The following PLCB4 variants were observed in gnomAD, a reference collection of about 807,000 sequenced individuals.
The protein encoded by PLCB4 is phospholipase C beta 4, also known as 1-phosphatidylinositol 4,5-bisphosphate phosphodiesterase beta-4.
PLCB4 carries 77 observed loss-of-function variants against 178.8 expected under a neutral mutation model. That is an observed-to-expected ratio of 0.43 (90% confidence interval 0.36 to 0.52). The LOEUF (loss-of-function observed/expected upper bound fraction) is 0.52. Among genes scored for constraint, PLCB4 ranks in the 20% least tolerant of loss-of-function variants. The pLI is 0.00. For missense variants in PLCB4, 1,024 were observed against 1,453.4 expected (o/e 0.70, Z 4.80); for synonymous variants, 496 against 490.8 (o/e 1.01, Z -0.14).
intron 19 of PLCB4, among the ~76,000 whole-genome samples, 178 bp from the exon 20 acceptor site, chr20:9,401,312 A>G (rs1044713045): frequency 6.6e-6 from 1 of 152,212 alleles, no homozygotes; most frequent in Admixed American, 6.5e-5. Flanking sequence ...TTGACGTTGA[A>G]TAGGTAAGAG....
chr20:9,137,072 A>G (rs1198764859), intron 2 of PLCB4, among the ~76,000 whole-genome samples: 3 of 152,120 alleles, frequency 2.0e-5, no homozygotes, highest in African/African-American at 7.2e-5. Flanking sequence ...ACAGTCGACC[A>G]GGAAGATCTC....
intron 2 of PLCB4, among the ~76,000 whole-genome samples, chr20:9,106,695 C>T (rs894115454): frequency 6.6e-6 from 1 of 152,082 alleles, no homozygotes; most frequent in African/African-American, 2.4e-5. Context: ...CTATGGACCA[C>T]TCTTAGAATA....
intron 7 of PLCB4, among the ~76,000 whole-genome samples, chr20:9,352,445 G>A (rs1602043332): frequency 6.6e-6 from 1 of 152,184 alleles, no homozygotes; most frequent in South Asian, 2.1e-4. Flanking sequence ...ATCAGGCTTA[G>A]GCAATGCAAA....
rs6056463 is a variant in PLCB4, at chr20:9,190,571, C to A, written c.-78-26819C>A. Among the ~76,000 whole-genome samples, 8 of 152,156 alleles carry A rather than the reference C, an allele frequency of 5.3e-5. No homozygotes were observed. The South Asian group carries it at 1.0e-3, about 20-fold the overall frequency. On this transcript the variant is annotated intron_variant, in intron 2 of 39. Coordinates refer to ENST00000378473, the MANE Select transcript of PLCB4 (RefSeq NM_001377142.1). Reference sequence around the variant, plus strand: ...GCAGTGTGAGAACAGACTAATAGAGCTGGGGTTGGTCAGGAGTGAATCAGA... The same window carrying A: ...GCAGTGTGAGAACAGACTAATAGAGATGGGGTTGGTCAGGAGTGAATCAGA...
At position 9,384,202 on chromosome 20, in the gene PLCB4, C is replaced by G; in HGVS notation, c.855C>G (p.Gly285=). 1 of 1,610,058 alleles carries G rather than the reference C, an allele frequency of 6.2e-7. No homozygotes were observed. The highest frequency in any genetic ancestry group is 8.5e-7 in the Non-Finnish European group (1 of 1,176,284). The change falls in exon 14 of 40, where the codon GGC becomes GGG. Residue 285 remains glycine (G), a splice_region_variant and synonymous_variant. Coordinates refer to ENST00000378473, the MANE Select transcript of PLCB4 (RefSeq NM_001377142.1). ...ACTAAGATGTTCTTTTTCCCCTAGG[C>G]CTTATATCAAGTGATGGGTTTTGCA... is the stretch of plus-strand genomic sequence containing the variant. ...YEPDEDLKKK[G]LISSDGFCRY...
chr20:9,219,974 T>C lies in PLCB4; in HGVS notation c.-16+2522T>C, dbSNP rs539207104. 2.7e-4 allele frequency among the ~76,000 whole-genome samples: 41 copies of C among 152,360 alleles called. 1 individual carries two copies. Among genetic ancestry groups the C allele is most frequent in the Middle Eastern group, 6.8e-3 (2 of 294 alleles). On this transcript the variant is annotated intron_variant, in intron 3 of 39. Transcript: ENST00000378473. Reference sequence around the variant, plus strand: ...CTTATTTCTATAAAGGCAAAAGGTATATTTTGAATCTTGCTTATATGTCAC... The same window carrying C: ...CTTATTTCTATAAAGGCAAAAGGTACATTTTGAATCTTGCTTATATGTCAC...
At chr20:9,209,361 G>A (rs2093648026) in intron 2 of PLCB4, among the ~76,000 whole-genome samples, 2 of 151,988 alleles carry the variant, frequency 1.3e-5, no homozygotes, top group South Asian at 4.2e-4. Context: ...TTAACAGGCA[G>A]AATTCTAAGG....
At chr20:9,396,724 A>T (rs1334300578) in intron 19 of PLCB4, among the ~76,000 whole-genome samples, 3 of 152,344 alleles carry the variant, frequency 2.0e-5, no homozygotes, top group East Asian at 3.9e-4. Context: ...ATTGCAAAAA[A>T]ATTATTCACA....
intron 2 of PLCB4, among the ~76,000 whole-genome samples, chr20:9,198,647 T>C (rs1445664881): frequency 1.3e-5 from 2 of 152,206 alleles, no homozygotes; most frequent in Admixed American, 6.5e-5. Context: ...TGCTATTAAA[T>C]AGAGTTATGG....
intron 14 of PLCB4, among the ~76,000 whole-genome samples, 187 bp downstream of exon 14, chr20:9,384,598 T>C (rs1202479933): frequency 6.6e-6 from 1 of 152,208 alleles, no homozygotes; most frequent in Admixed American, 6.5e-5. Context: ...AAATCTTCAG[T>C]CATCCAAAAG....
intron 28 of PLCB4, among the ~76,000 whole-genome samples, chr20:9,425,998 G>A (rs2040976563): frequency 6.6e-6 from 1 of 152,052 alleles, no homozygotes; most frequent in East Asian, 1.9e-4. Flanking sequence ...TGCTGAACCA[G>A]TGAGATAGGA....
chr20:9,356,095 C>A lies in PLCB4; in HGVS notation c.370-6801C>A, dbSNP rs188985911. ...TGTCTTTTGGCTGCATAAATGTCTT[C>A]TTTTGAGAAGTGTTTGTTCATATCC... On this transcript the variant is annotated intron_variant, in intron 7 of 39. Transcript: ENST00000378473. Among the ~76,000 whole-genome samples, 44 of 152,278 alleles carry A rather than the reference C, an allele frequency of 2.9e-4. 1 individual carries two copies. Among genetic ancestry groups the A allele is most frequent in the Middle Eastern group, 6.8e-3 (2 of 294 alleles).
chr20:9,348,563 G>A (rs1481578135), intron 7 of PLCB4, among the ~76,000 whole-genome samples: 2 of 152,064 alleles, frequency 1.3e-5, no homozygotes, highest in Admixed American at 1.3e-4. Flanking sequence ...TTAGGGGCTT[G>A]TCCATGGGGC....
chr20:9,167,447 T>A (rs1375160880), intron 2 of PLCB4, among the ~76,000 whole-genome samples: 1 of 152,198 alleles, frequency 6.6e-6, no homozygotes, highest in Non-Finnish European at 1.5e-5. Context: ...TGATTGCCAC[T>A]TTTTTTGTTC....
chr20:9,316,471 G>A (rs1365463478), intron 4 of PLCB4, among the ~76,000 whole-genome samples: 1 of 152,184 alleles, frequency 6.6e-6, no homozygotes, highest in Non-Finnish European at 1.5e-5. Context: ...TTCGTAGGCG[G>A]GGGCCAAAAG....
chr20:9,466,448 T>C (rs1459699136), intron 35 of PLCB4, among the ~76,000 whole-genome samples: 1 of 152,056 alleles, frequency 6.6e-6, no homozygotes, highest in Non-Finnish European at 1.5e-5. Context: ...CTAATTAAAC[T>C]AAAGAGCTTC....
intron 3 of PLCB4, among the ~76,000 whole-genome samples, chr20:9,249,879 T>C (rs1006449900): frequency 6.6e-6 from 1 of 152,260 alleles, no homozygotes; most frequent in East Asian, 1.9e-4. Context: ...CCTCAGTATA[T>C]AGCAACACTG....
At chr20:9,159,440 T>C (rs1158215455) in intron 2 of PLCB4, among the ~76,000 whole-genome samples, 1 of 152,192 alleles carries the variant, frequency 6.6e-6, no homozygotes, top group Non-Finnish European at 1.5e-5. Context: ...TCTTTTCATC[T>C]TTGAGTTTAA....
At chr20:9,445,034 G>A (rs1192324275) in intron 32 of PLCB4, among the ~76,000 whole-genome samples, 1 of 152,150 alleles carries the variant, frequency 6.6e-6, no homozygotes, top group Non-Finnish European at 1.5e-5. Flanking sequence ...CCCATAAGAA[G>A]TGGTATTTTG....
Sources: gnomAD v4.1 joint callset for allele counts (sites outside exome capture counted in the v4.1 genomes callset) on GRCh38, gnomAD v4.1.1 for gene constraint, MANE v1.5 for transcripts, NCBI Gene and HGNC (gene_info 2026-07-23, HGNC 2026-07-21) for gene names.